Variants in VTI1A observed in about 807,000 individuals in gnomAD.
The protein encoded by VTI1A is vesicle transport through interaction with t-SNAREs homolog 1A.
A neutral mutation model predicts 34.9 loss-of-function variants in VTI1A; 22 were observed. The observed-to-expected ratio is 0.63, with a 90% CI of 0.45 to 0.90. The LOEUF is 0.90. VTI1A is among the 40% of genes least tolerant of loss of function. The pLI is 0.00. For synonymous variants in VTI1A, 87 were observed against 97.3 expected, an observed-to-expected ratio of 0.89 and a Z score of 0.62; for missense variants, 268 against 275.6, an observed-to-expected ratio of 0.97 and a Z score of 0.20.
rs114930769 is a variant in VTI1A, at chr10:112,703,730, G to A, written c.560+34732G>A. Among the ~76,000 whole-genome samples the A allele has an allele frequency of 4.7e-3, 722 of 152,236 alleles. 5 individuals carry two copies. The highest frequency in any genetic ancestry group is 0.017 in the African/African-American group (707 of 41,532). ...CATCACACCAATAAATTCATATTCA[G>A]GTTGTAACATTTGAACATTTGCTAC... On this transcript the variant is annotated intron_variant, in intron 7 of 7. Coordinates refer to ENST00000393077, the MANE Select transcript of VTI1A (RefSeq NM_145206.4).
chr10:112,467,085 A>G (rs1259614048), intron 3 of VTI1A, among the ~76,000 whole-genome samples: 1 of 152,234 alleles, frequency 6.6e-6, no homozygotes, highest in Non-Finnish European at 1.5e-5. Context: ...AGACTTCAGC[A>G]TATGAATTTA....
rs866324372 is a variant in VTI1A at position 112,499,124 on chromosome 10, A to G, written c.265-27963A>G. ...GGGAGATATGGCATTTAATAAGTAT[A>G]TATAAGGAAAAATTAGAGTATTTAA... On this transcript the variant is annotated intron_variant, in intron 3 of 7. Transcript: ENST00000393077. Among the ~76,000 whole-genome samples the G allele has an allele frequency of 3.3e-5, 5 of 152,304 alleles. No individual in the cohort carries two copies. In the South Asian group the frequency reaches 8.3e-4, roughly 25 times the overall value.
chr10:112,670,220 G>A (rs965464455), intron 7 of VTI1A, among the ~76,000 whole-genome samples: 3 of 152,116 alleles, frequency 2.0e-5, no homozygotes, highest in East Asian at 1.9e-4. Context: ...GGGCTCCTGC[G>A]TCGTGAGCTG....
At chr10:112,852,232 TA>T in the VTI1A span, among the ~76,000 whole-genome samples, 1 of 152,200 alleles carries the variant, frequency 6.6e-6, no homozygotes, top group Non-Finnish European at 1.5e-5. Flanking sequence ...TGGCTTCTTT[TA>T]AATTTTAGAT....
chr10:112,751,597 T>C (rs1416819025), intron 7 of VTI1A, among the ~76,000 whole-genome samples: 1 of 151,848 alleles, frequency 6.6e-6, no homozygotes, highest in East Asian at 1.9e-4. Flanking sequence ...CCATTTCTTC[T>C]AAAATGTGTA....
At chr10:112,776,489 G>C (rs1033316528) in intron 7 of VTI1A, among the ~76,000 whole-genome samples, 1 of 152,090 alleles carries the variant, frequency 6.6e-6, no homozygotes, top group Admixed American at 6.5e-5. Flanking sequence ...TATGAGCAGA[G>C]AGATTATCTC....
At chr10:112,719,321 C>G (rs1849712980) in intron 7 of VTI1A, among the ~76,000 whole-genome samples, 1 of 152,156 alleles carries the variant, frequency 6.6e-6, no homozygotes, top group Non-Finnish European at 1.5e-5. Context: ...ATGTACAAAG[C>G]AATTATCCAC....
chr10:112,617,924 G>T (rs148749991), intron 5 of VTI1A, among the ~76,000 whole-genome samples: 1 of 152,138 alleles, frequency 6.6e-6, no homozygotes, highest in Non-Finnish European at 1.5e-5. Flanking sequence ...GGAGGCCGAG[G>T]TGGCTGGATT....
chr10:112,697,832 G>C (rs1184207217), intron 7 of VTI1A, among the ~76,000 whole-genome samples: 5 of 151,596 alleles, frequency 3.3e-5, no homozygotes, highest in Non-Finnish European at 5.9e-5. Context: ...GAAAATAGCT[G>C]CCTGAAATTT....
intron 7 of VTI1A, among the ~76,000 whole-genome samples, chr10:112,752,858 T>G (rs1851148000): frequency 6.6e-6 from 1 of 152,212 alleles, no homozygotes. Flanking sequence ...GACTTATTTT[T>G]GGTACTTCAG....
At chr10:112,491,054 A>C (rs889765837) in intron 3 of VTI1A, among the ~76,000 whole-genome samples, 1 of 151,576 alleles carries the variant, frequency 6.6e-6, no homozygotes, top group African/African-American at 2.4e-5. Flanking sequence ...GGAATGTGAG[A>C]TCTGATCTTT....
the VTI1A span, among the ~76,000 whole-genome samples, chr10:112,848,562 G>A: frequency 5.9e-5 from 9 of 152,316 alleles, no homozygotes; most frequent in South Asian, 4.1e-4. Flanking sequence ...TCACAGGCTG[G>A]AGACACAGAT....
intron 7 of VTI1A, among the ~76,000 whole-genome samples, chr10:112,690,989 C>T (rs1037100005): frequency 1.7e-4 from 26 of 152,114 alleles, no homozygotes; most frequent in African/African-American, 4.8e-5. Context: ...TCCCATAGTT[C>T]GATCAAAGTG....
intron 7 of VTI1A, among the ~76,000 whole-genome samples, chr10:112,739,675 G>A (rs369835023): frequency 3.9e-5 from 6 of 152,164 alleles, no homozygotes; most frequent in Admixed American, 1.3e-4. Flanking sequence ...TAAATTGTGC[G>A]TGCTGCATGC....
the VTI1A span, among the ~76,000 whole-genome samples, chr10:112,845,643 C>G: frequency 2.0e-5 from 3 of 152,122 alleles, no homozygotes; most frequent in East Asian, 3.9e-4. Flanking sequence ...GAAAAGCCTC[C>G]GCGGGAGGAG....
intron 5 of VTI1A, among the ~76,000 whole-genome samples, chr10:112,564,609 A>T (rs997404324): frequency 2.0e-5 from 3 of 151,862 alleles, no homozygotes; most frequent in African/African-American, 7.2e-5. Flanking sequence ...CCCTTTTTTT[A>T]AATAATGGAG....
At chr10:112,722,414 A>G (rs1429206094) in intron 7 of VTI1A, among the ~76,000 whole-genome samples, 2 of 152,120 alleles carry the variant, frequency 1.3e-5, no homozygotes, top group Non-Finnish European at 2.9e-5. Context: ...AATGTAAATG[A>G]CGAGTTAATG....
At chr10:112,601,163 A>T (rs1201630492) in intron 5 of VTI1A, among the ~76,000 whole-genome samples, 4 of 152,232 alleles carry the variant, frequency 2.6e-5, no homozygotes, top group East Asian at 1.9e-4. Flanking sequence ...ATTTTGGACA[A>T]TGTGTAGCAT....
chr10:112,586,895 C>T (rs887275536), intron 5 of VTI1A, among the ~76,000 whole-genome samples: 2 of 152,176 alleles, frequency 1.3e-5, no homozygotes, highest in African/African-American at 4.8e-5. Flanking sequence ...TGGTTTTGAG[C>T]AGCAAACATG....
Sources: allele counts gnomAD v4.1 joint callset (sites outside exome capture counted in the v4.1 genomes callset), GRCh38; gene constraint gnomAD v4.1.1; transcripts MANE v1.5; gene names NCBI Gene and HGNC (gene_info 2026-07-23, HGNC 2026-07-21).